Variants in FAF1 observed in about 807,000 individuals in gnomAD.
FAF1 encodes the protein FAS-associated factor 1.
FAF1 carries 25 observed loss-of-function variants against 92.5 expected under a neutral mutation model. The observed-to-expected ratio is 0.27, with a 90% confidence interval of 0.20 to 0.38. FAF1 has a LOEUF of 0.38. Ranked by LOEUF, FAF1 falls within the 10% of genes least tolerant of loss-of-function variation. FAF1 has a pLI of 1.00. For missense variants in FAF1, 636 were observed against 793.3 expected (o/e 0.80, Z 2.38); for synonymous variants, 234 against 273.2 (o/e 0.86, Z 1.42).
chr1:50,718,271 G>A (rs886489113), intron 6 of FAF1, among the ~76,000 whole-genome samples: 1 of 151,978 alleles, frequency 6.6e-6, no homozygotes, highest in African/African-American at 2.4e-5. Flanking sequence ...CTTGTGATCC[G>A]CCTGCCTCAG....
At chr1:50,498,943 ATTATT>A (rs1340760512) in intron 15 of FAF1, among the ~76,000 whole-genome samples, 6 of 152,186 alleles carry the variant, frequency 3.9e-5, no homozygotes, top group Non-Finnish European at 8.8e-5. Context: ...TCATAGTAGC[ATTATT>A]TACAATAGCC....
intron 18 of FAF1, among the ~76,000 whole-genome samples, chr1:50,461,670 C>T (rs1335479466): frequency 6.6e-6 from 1 of 152,058 alleles, no homozygotes. Flanking sequence ...TAAAGTAACT[C>T]AGGAATATTT....
intron 15 of FAF1, among the ~76,000 whole-genome samples, chr1:50,503,642 A>T (rs1026506709): frequency 1.3e-5 from 2 of 151,782 alleles, no homozygotes; most frequent in African/African-American, 2.4e-5. Flanking sequence ...AATTGCTAAA[A>T]CCAAAACAAA....
chr1:50,775,627 G>A (rs1660928756), intron 4 of FAF1, among the ~76,000 whole-genome samples: 1 of 152,000 alleles, frequency 6.6e-6, no homozygotes, highest in African/African-American at 2.4e-5. Context: ...GGAGATGCGT[G>A]TTTTAGAAAA....
intron 4 of FAF1, among the ~76,000 whole-genome samples, chr1:50,768,435 C>A (rs1660657793): frequency 6.6e-6 from 1 of 151,926 alleles, no homozygotes; most frequent in South Asian, 2.1e-4. Context: ...ACCAAAAGAA[C>A]CTGACAGATA....
intron 14 of FAF1, among the ~76,000 whole-genome samples, chr1:50,538,980 C>T (rs1432892925): frequency 6.6e-6 from 1 of 152,166 alleles, no homozygotes; most frequent in Non-Finnish European, 1.5e-5. Context: ...ACTGTTCAAC[C>T]TAAGCTTTGT....
intron 2 of FAF1, among the ~76,000 whole-genome samples, chr1:50,819,395 G>A (rs1435189789): frequency 1.3e-5 from 2 of 151,084 alleles, no homozygotes; most frequent in African/African-American, 2.4e-5. Context: ...AAGGGAGATC[G>A]AGTGAGCCTA....
chr1:50,823,312 C>T (rs1455663865), intron 2 of FAF1, among the ~76,000 whole-genome samples: 1 of 152,108 alleles, frequency 6.6e-6, no homozygotes, highest in Non-Finnish European at 1.5e-5. Flanking sequence ...TTACTCGGTA[C>T]AAAGAACTGT....
At chr1:50,627,271 CCTA>C (rs1653548497) in intron 8 of FAF1, among the ~76,000 whole-genome samples, 1 of 151,984 alleles carries the variant, frequency 6.6e-6, no homozygotes, top group African/African-American at 2.4e-5. Flanking sequence ...TTAAAGAACT[CCTA>C]TATTTAGTGA....
intron 18 of FAF1, among the ~76,000 whole-genome samples, chr1:50,473,410 G>GTTTT (rs1456158801): frequency 2.0e-5 from 3 of 152,180 alleles, no homozygotes; most frequent in African/African-American, 7.2e-5. Flanking sequence ...GACCCGTTCA[G>GTTTT]AAAGGGAGTG....
At chr1:50,899,320 C>A (rs1317924577) in intron 1 of FAF1, among the ~76,000 whole-genome samples, 2 of 152,102 alleles carry the variant, frequency 1.3e-5, no homozygotes, top group African/African-American at 4.8e-5. Flanking sequence ...GACCTTCTAT[C>A]ATCTATATCA....
At chr1:50,940,013 T>C (rs1181917929) in intron 1 of FAF1, among the ~76,000 whole-genome samples, 1 of 152,146 alleles carries the variant, frequency 6.6e-6, no homozygotes, top group Non-Finnish European at 1.5e-5. Context: ...TGGGTTCAAG[T>C]AATTCTCGTG....
Position 50,956,322 on chromosome 1 carries a change from A to G in FAF1, c.45+3445T>C, listed in dbSNP as rs552769503. Among the ~76,000 whole-genome samples, 11 of 152,252 alleles carry G rather than the reference A, an allele frequency of 7.2e-5. No individual in the cohort carries two copies. The South Asian group carries it at 1.2e-3, about 17-fold the overall frequency. The stretch of plus-strand genomic sequence containing the variant: ...TCCACCCACTACTTATCACCACTTC[A>G]CTGATTTCAACAGAATTCTTTTCTC... On this transcript the variant is annotated intron_variant, in intron 1 of 18. Coordinates refer to ENST00000396153, the MANE Select transcript of FAF1 (RefSeq NM_007051.3).
chr1:50,676,364 G>A (rs376152207), intron 7 of FAF1, among the ~76,000 whole-genome samples: 4 of 150,158 alleles, frequency 2.7e-5, no homozygotes, highest in African/African-American at 7.4e-5. Flanking sequence ...CCAAGATCAC[G>A]CCATTGCACT....
chr1:50,535,310 C>A, intron 15 of FAF1, 59 bp downstream of exon 15: 3 of 1,138,084 alleles, frequency 2.6e-6, no homozygotes, highest in South Asian at 1.3e-5. Context: ...CATCATTTGA[C>A]AAATTAAAAT....
chr1:50,466,970 C>T (rs1024561240), intron 18 of FAF1, among the ~76,000 whole-genome samples: 1 of 152,242 alleles, frequency 6.6e-6, no homozygotes, highest in Non-Finnish European at 1.5e-5. Flanking sequence ...TGTTCAACTG[C>T]TATCTCTTTT....
At chr1:50,582,782 T>A in intron 11 of FAF1, 83 bp from the exon 12 acceptor site, 1 of 878,736 alleles carries the variant, frequency 1.1e-6, no homozygotes, top group Non-Finnish European at 1.9e-6. Context: ...GACTTTTAAG[T>A]AAATGTTGGG....
At chr1:50,772,333 A>T (rs925401552) in intron 4 of FAF1, among the ~76,000 whole-genome samples, 19 of 152,228 alleles carry the variant, frequency 1.2e-4, no homozygotes, top group African/African-American at 4.3e-4. Context: ...CCTACCCCAC[A>T]ATCCCATTAT....
intron 15 of FAF1, among the ~76,000 whole-genome samples, chr1:50,526,918 G>C (rs1382759390): frequency 6.6e-6 from 1 of 151,220 alleles, no homozygotes; most frequent in Non-Finnish European, 1.5e-5. Context: ...GTAGTGGCGT[G>C]ATCTCGGCTC....
Sources: allele counts gnomAD v4.1 joint callset (sites outside exome capture counted in the v4.1 genomes callset), GRCh38; gene constraint gnomAD v4.1.1; transcripts MANE v1.5; gene names NCBI Gene and HGNC (gene_info 2026-07-23, HGNC 2026-07-21).